GPR149: variants seen among roughly 807,000 people sequenced by gnomAD.
The protein encoded by GPR149 is probable G protein-coupled receptor 149.
A neutral mutation model predicts 50.2 loss-of-function variants in GPR149; 50 were observed. The observed-to-expected ratio is 1.00, with a 90% CI of 0.79 to 1.26. The LOEUF (loss-of-function observed/expected upper bound fraction) is 1.26. Among genes scored for constraint, GPR149 ranks in the 50% most tolerant of loss-of-function variants. The probability of loss-of-function intolerance (pLI) is 0.00; values close to 1 mark genes in which losing one functional copy is unlikely to be tolerated. For missense variants in GPR149, 983 were observed against 895.4 expected (o/e 1.10, Z -1.25); for synonymous variants, 405 against 358.2 (o/e 1.13, Z -1.48).
At chr3:154,378,131 G>A (rs1159077742) in intron 3 of GPR149, among the ~76,000 whole-genome samples, 1 of 142,014 alleles carries the variant, frequency 7.0e-6, no homozygotes, top group African/African-American at 2.6e-5. Context: ...CATGCAGAAT[G>A]GAGTGCAGTG....
chr3:154,413,711 G>A (rs1312410414), intron 3 of GPR149, among the ~76,000 whole-genome samples: 1 of 151,868 alleles, frequency 6.6e-6, no homozygotes, highest in Non-Finnish European at 1.5e-5. Context: ...TGGTGGTAAT[G>A]TAAACTAGTA....
chr3:154,346,470 C>A lies in GPR149; in HGVS notation c.1624-8199G>T, dbSNP rs534834850. On this transcript the variant is annotated intron_variant, in intron 3 of 3. Transcript: ENST00000389740. Reference sequence around the variant, plus strand: ...AAGAATTCCTCAAGGAAAGAGAGAACAAGGGCAAGAAAATGAGGGCCTTCA... The same window carrying A: ...AAGAATTCCTCAAGGAAAGAGAGAAAAAGGGCAAGAAAATGAGGGCCTTCA... 4.6e-5 allele frequency among the ~76,000 whole-genome samples: 7 copies of A among 152,194 alleles called. No homozygotes were observed. In the South Asian group the frequency reaches 1.5e-3, roughly 32 times the overall value.
chr3:154,355,361 A>G (rs1226583142), intron 3 of GPR149, among the ~76,000 whole-genome samples: 1 of 152,152 alleles, frequency 6.6e-6, no homozygotes, highest in African/African-American at 2.4e-5. Flanking sequence ...GTATTCTCAT[A>G]TTTTCAATTC....
chr3:154,413,722 C>A (rs577415412), intron 3 of GPR149, among the ~76,000 whole-genome samples: 1 of 151,554 alleles, frequency 6.6e-6, no homozygotes, highest in Non-Finnish European at 1.5e-5. Context: ...TAAACTAGTA[C>A]AACCACTATA....
intron 3 of GPR149, among the ~76,000 whole-genome samples, chr3:154,407,070 A>G (rs1711714616): frequency 6.6e-6 from 1 of 152,118 alleles, no homozygotes; most frequent in South Asian, 2.1e-4. Context: ...CTACCACAAG[A>G]AGAGTATGGG....
chr3:154,414,105 A>C (rs1711918315), intron 3 of GPR149, among the ~76,000 whole-genome samples: 1 of 152,140 alleles, frequency 6.6e-6, no homozygotes, highest in African/African-American at 2.4e-5. Flanking sequence ...GTGTGAGTTA[A>C]GCCATGAGGA....
intron 3 of GPR149, among the ~76,000 whole-genome samples, chr3:154,360,588 A>G (rs1289647324): frequency 6.6e-6 from 1 of 152,242 alleles, no homozygotes; most frequent in African/African-American, 2.4e-5. Context: ...CAATCTGGGC[A>G]GTATGGCACT....
intron 3 of GPR149, chr3:154,354,115 C>T: frequency 2.0e-6 from 1 of 499,352 alleles, no homozygotes; most frequent in Non-Finnish European, 3.9e-6. Context: ...TTCAGTGTCT[C>T]CATTTAGCTT....
chr3:154,346,729 A>G (rs745863574), intron 3 of GPR149, among the ~76,000 whole-genome samples: 29 of 151,502 alleles, frequency 1.9e-4, no homozygotes, highest in Admixed American at 5.9e-4. Context: ...CCGAGTAGCT[A>G]GTGTTACAGG....
chr3:154,337,883 G>C lies in GPR149; in HGVS notation c.2012C>G (p.Ser671Ter). 6.2e-7 allele frequency: 1 copy of C among 1,613,616 alleles called. No homozygotes were observed. Among genetic ancestry groups the C allele is most frequent in the Non-Finnish European group, 8.5e-7 (1 of 1,179,822 alleles). Residue 671 changes from serine (S) to a stop codon, truncating the protein, a stop_gained, in exon 4 of 4, where the codon TCA becomes TGA. Transcript: ENST00000389740. LOFTEE classifies it high-confidence loss of function. ...ACTGGTGGGCAAAAAGAGGGAGTAT[G>C]AGGCTGTTTCCCCTAGGTCACATGA... Reference protein sequence around the residue: ...FVSCDLGETASYSLFLPTSNP... With the variant: ...FVSCDLGETA
In GPR149 at chr3:154,337,877, G is replaced by C; in HGVS notation, c.2018C>G (p.Ser673Cys). Residue 673 changes from serine (S) to cysteine (C), a missense_variant, in exon 4 of 4, where the codon TCC becomes TGC. Ser to Cys is a moderately radical substitution (Grantham distance 112). Transcript: ENST00000389740. ...AGGATTACTGGTGGGCAAAAAGAGG[G>C]AGTATGAGGCTGTTTCCCCTAGGTC... ...SCDLGETASY[S>C]LFLPTSNPDG... 10 of 1,613,754 alleles carry C rather than the reference G, an allele frequency of 6.2e-6. No homozygotes were observed. The highest frequency in any genetic ancestry group is 8.5e-6 in the Non-Finnish European group (10 of 1,179,870).
At position 154,336,567 on chromosome 3, in the gene GPR149, C is replaced by T. The variant is rs1282809300; in HGVS notation, c.*1132G>A. On this transcript the variant is annotated 3_prime_UTR_variant, in exon 4 of 4. Coordinates refer to ENST00000389740, the MANE Select transcript of GPR149 (RefSeq NM_001038705.3). ...GAAATACATCTTACTATTATTCTGCCAAGGTGATTCCTGCATTTTTGCAAT... is the reference window on the plus strand; with the variant it reads ...GAAATACATCTTACTATTATTCTGCTAAGGTGATTCCTGCATTTTTGCAAT... The T allele has an allele frequency of 6.6e-6, 1 of 151,928 alleles. No individual in the cohort carries two copies. The highest frequency in any genetic ancestry group is 2.4e-5 in the African/African-American group (1 of 41,372). The allele number at this position is 151,928 out of a possible 1,614,324, so 9.4% of individuals were successfully genotyped here.
chr3:154,369,492 C>A (rs1487867121), intron 3 of GPR149, among the ~76,000 whole-genome samples: 6 of 152,136 alleles, frequency 3.9e-5, no homozygotes, highest in African/African-American at 1.4e-4. Flanking sequence ...ACACTCAGGG[C>A]CTCTTCCCTC....
In GPR149 at chr3:154,428,859, G is replaced by C. The variant is rs1286122058; in HGVS notation, c.757C>G (p.Pro253Ala). The C allele has an allele frequency of 1.9e-6, 3 of 1,613,882 alleles. No individual in the cohort carries two copies. The highest frequency in any genetic ancestry group is 2.5e-6 in the Non-Finnish European group (3 of 1,179,936). Residue 253 changes from proline (P) to alanine (A), a missense_variant, in exon 1 of 4, where the codon CCA becomes GCA. Physicochemically the swap from Pro to Ala is conservative, Grantham distance 27 (BLOSUM62 -1). Coordinates refer to ENST00000389740, the MANE Select transcript of GPR149 (RefSeq NM_001038705.3). ...AGACTCGGGCCTGGAGCATCCTCTG[G>C]GGACAGGGAAACCACTCTCCCCGCA... ...PTAGRVVSLS[P>A]EDAPGPSLRR...
rs113987368 is a variant in GPR149 at position 154,355,089 on chromosome 3, G to A, written c.1624-16818C>T. Among the ~76,000 whole-genome samples the A allele has an allele frequency of 5.8e-3, 876 of 152,196 alleles. 12 individuals are homozygous for A. Among genetic ancestry groups the A allele is most frequent in the African/African-American group, 0.02 (813 of 41,498 alleles). On this transcript the variant is annotated intron_variant, in intron 3 of 3. Transcript: ENST00000389740. The stretch of plus-strand genomic sequence containing the variant: ...GTCACCCAGGCTGGAGTGCAGTGGC[G>A]CGATGTTGGCTCACTGCAACCTCTG...
At chr3:154,355,480 G>A (rs1714197914) in intron 3 of GPR149, among the ~76,000 whole-genome samples, 2 of 152,120 alleles carry the variant, frequency 1.3e-5, no homozygotes, top group East Asian at 3.8e-4. Flanking sequence ...TTATTAGACA[G>A]GGTTTTTCAT....
chr3:154,388,659 C>T (rs1488881542), intron 3 of GPR149, among the ~76,000 whole-genome samples: 1 of 152,092 alleles, frequency 6.6e-6, no homozygotes, highest in African/African-American at 2.4e-5. Flanking sequence ...GGCAGGCAGG[C>T]TATAATCCAT....
At chr3:154,376,536 T>C (rs1051457737) in intron 3 of GPR149, among the ~76,000 whole-genome samples, 3 of 152,234 alleles carry the variant, frequency 2.0e-5, no homozygotes, top group South Asian at 2.1e-4. Flanking sequence ...TGTATTCATA[T>C]AGTATGTGAA....
intron 3 of GPR149, among the ~76,000 whole-genome samples, chr3:154,371,157 G>A (rs533725530): frequency 6.6e-6 from 1 of 152,142 alleles, no homozygotes; most frequent in South Asian, 2.1e-4. Context: ...ACATTTAAAA[G>A]CTCAAGGTTT....
Sources: gnomAD v4.1 joint callset for allele counts (sites outside exome capture counted in the v4.1 genomes callset) on GRCh38, gnomAD v4.1.1 for gene constraint, MANE v1.5 for transcripts, NCBI Gene and HGNC (gene_info 2026-07-23, HGNC 2026-07-21) for gene names.